The following PDE5A variants were observed in gnomAD, a reference collection of about 807,000 sequenced individuals.
The protein encoded by PDE5A is phosphodiesterase 5A.
In PDE5A, 67 loss-of-function variants were observed where a neutral mutation model predicts 110.2. The observed-to-expected ratio is 0.61, with a 90% CI of 0.50 to 0.75. The LOEUF is 0.75. PDE5A is among the 30% of genes least tolerant of loss of function. The pLI, the probability that PDE5A is intolerant of heterozygous loss-of-function variation, is 0.00. For synonymous variants in PDE5A, 328 were observed against 351.2 expected (o/e 0.93, Z 0.74); for missense variants, 862 against 1,045.1 (o/e 0.82, Z 2.42).
At chr4:119,557,138 A>G (rs1409564350) in intron 7 of PDE5A, among the ~76,000 whole-genome samples, 3 of 152,194 alleles carry the variant, frequency 2.0e-5, no homozygotes, top group Non-Finnish European at 2.9e-5. Context: ...TAGGGACACT[A>G]AAGTAGGCCT....
In PDE5A at chr4:119,565,448, A is replaced by G. The variant is rs1727896690; in HGVS notation, c.904-38T>C. Reference sequence around the variant, plus strand: ...TAATAGACAAATAAAAACGGTACATAAAACAGTCTAGTTACATTGCCTGAA... The same window carrying G: ...TAATAGACAAATAAAAACGGTACATGAAACAGTCTAGTTACATTGCCTGAA... On this transcript the variant is annotated intron_variant, in intron 4 of 20. Transcript: ENST00000354960. The G allele has an allele frequency of 5.1e-6, 7 of 1,377,034 alleles. No individual in the cohort carries two copies. In the South Asian group the frequency reaches 7.0e-5, roughly 14 times the overall value. The allele number at this position is 1,377,034 out of a possible 1,614,324, so 85.3% of individuals were successfully genotyped here. A position where few individuals can be genotyped will look rare whatever the true frequency, so the allele number is the denominator to read the frequency against.
At chr4:119,578,191 C>T (rs372690810) in intron 3 of PDE5A, among the ~76,000 whole-genome samples, 241 of 151,366 alleles carry the variant, frequency 1.6e-3, no homozygotes, top group African/African-American at 5.5e-3. Context: ...TAAAAGAGGA[C>T]ACAAACAAAT....
intron 1 of PDE5A, among the ~76,000 whole-genome samples, chr4:119,621,062 G>A (rs761013684): frequency 5.9e-5 from 9 of 152,126 alleles, no homozygotes; most frequent in South Asian, 2.1e-4. Flanking sequence ...CATTTTGTTC[G>A]TAATTAACTG....
chr4:119,536,758 C>T (rs180976210), intron 11 of PDE5A, among the ~76,000 whole-genome samples: 150 of 152,264 alleles, frequency 9.9e-4, no homozygotes, highest in African/African-American at 3.4e-3. Context: ...AACTTACTCT[C>T]TCTCCAGTGC....
chr4:119,619,595 T>C (rs1213542836), intron 1 of PDE5A, among the ~76,000 whole-genome samples: 1 of 152,128 alleles, frequency 6.6e-6, no homozygotes, highest in East Asian at 1.9e-4. Flanking sequence ...GAAAATGACA[T>C]TTAAAGTCTA....
intron 3 of PDE5A, among the ~76,000 whole-genome samples, chr4:119,577,644 T>A (rs1374429189): frequency 6.6e-6 from 1 of 152,208 alleles, no homozygotes; most frequent in East Asian, 1.9e-4. Context: ...CAACCCTTCA[T>A]GCTAAAAACT....
At chr4:119,563,012 G>C in intron 5 of PDE5A, 42 bp from the exon 6 acceptor site, 2 of 1,507,644 alleles carry the variant, frequency 1.3e-6, no homozygotes, top group Non-Finnish European at 1.8e-6. Flanking sequence ...GCAATTGATT[G>C]TAATTATTAA....
In PDE5A at chr4:119,498,558, C is replaced by A; in HGVS notation, c.*43G>T. On this transcript the variant is annotated 3_prime_UTR_variant, in exon 21 of 21. Transcript: ENST00000354960. Reference sequence around the variant, plus strand: ...GTAAGAAACTAGGCATATTGCAGAACACACCATCTCTGTAAACTTCAACTC... The same window carrying A: ...GTAAGAAACTAGGCATATTGCAGAAAACACCATCTCTGTAAACTTCAACTC... 6.2e-7 allele frequency: 1 copy of A among 1,610,656 alleles called. No individual in the cohort carries two copies. The highest frequency in any genetic ancestry group is 8.5e-7 in the Non-Finnish European group (1 of 1,177,424).
intron 2 of PDE5A, among the ~76,000 whole-genome samples, chr4:119,597,867 G>T (rs7670921): frequency 1.3e-5 from 2 of 151,864 alleles, no homozygotes; most frequent in Non-Finnish European, 2.9e-5. Context: ...AAAAGAAAAG[G>T]TATAAAATGG....
Position 119,507,612 on chromosome 4 carries a change from C to T in PDE5A, c.2181G>A (p.Leu727=). 1 of 1,559,098 alleles carries T rather than the reference C, an allele frequency of 6.4e-7. No homozygotes were observed. The highest frequency in any genetic ancestry group is 2.0e-5 in the Admixed American group (1 of 51,112). ...TATTTCTTAAAACTTACTTAATGTA[C>T]AGTGCTAGGTCTGTAGCTAAAATAG... ...KQAILATDLA[L]YIKRRGEFFE... The change falls in exon 16 of 21, where the codon CTG becomes CTA. Residue 727 remains leucine, a synonymous_variant. Coordinates refer to ENST00000354960, the MANE Select transcript of PDE5A (RefSeq NM_001083.4).
chr4:119,498,066 CCTTAA>C lies in PDE5A; in HGVS notation c.*530_*534del, dbSNP rs1008253933. On this transcript the variant is annotated 3_prime_UTR_variant, in exon 21 of 21. Transcript: ENST00000354960. The stretch of plus-strand genomic sequence containing the variant: ...AGGACTTTCCATTTGTTTCAGAGTG[CCTTAA>C]CTTTTTAAAAAAAGACACTGTTAAC... 5.9e-5 allele frequency: 9 copies of C among 152,214 alleles called. No individual in the cohort carries two copies. Among genetic ancestry groups the C allele is most frequent in the African/African-American group, 2.2e-4 (9 of 41,388 alleles). 9.4% of individuals were successfully genotyped at this position (152,214 alleles called of 1,614,324 possible).
chr4:119,558,323 A>T (rs989541596), intron 7 of PDE5A, among the ~76,000 whole-genome samples: 2 of 152,204 alleles, frequency 1.3e-5, no homozygotes, highest in African/African-American at 4.8e-5. Context: ...TTAATTTATG[A>T]GGTCATTAGT....
intron 3 of PDE5A, among the ~76,000 whole-genome samples, chr4:119,588,861 T>C (rs1473153776): frequency 6.6e-6 from 1 of 152,202 alleles, no homozygotes; most frequent in African/African-American, 2.4e-5. Context: ...AAATGATCTT[T>C]TACCACGTTG....
At chr4:119,617,134 C>T (rs1560644692) in intron 1 of PDE5A, among the ~76,000 whole-genome samples, 1 of 151,948 alleles carries the variant, frequency 6.6e-6, no homozygotes, top group Non-Finnish European at 1.5e-5. Flanking sequence ...AGAATCAAAA[C>T]CTTCCCCCCT....
In PDE5A at chr4:119,617,157, G is replaced by A. The variant is rs76946383; in HGVS notation, c.153-9860C>T. On this transcript the variant is annotated intron_variant, in intron 1 of 20. Transcript: ENST00000354960. ...AACCTTCCCCCCTTTCCAATTTATC[G>A]CTTCCACTCAAGATTGTTATAAACC... Among the ~76,000 whole-genome samples, 62 of 151,990 alleles carry A rather than the reference G, an allele frequency of 4.1e-4. No individual in the cohort carries two copies. The East Asian group carries it at 9.1e-3, about 22-fold the overall frequency.
rs144574533 is a variant in PDE5A at position 119,562,700 on chromosome 4, G to C, written c.1131+133C>G. The stretch of plus-strand genomic sequence containing the variant: ...ACCAGAACAGCTCATACCCTGATTA[G>C]TTTTATATACATATTCATACACATT... On this transcript the variant is annotated intron_variant, in intron 6 of 20. Transcript: ENST00000354960. The C allele has an allele frequency of 1.8e-3, 1,157 of 640,446 alleles. 11 individuals are homozygous for C. In the African/African-American group the frequency reaches 0.02, roughly 11 times the overall value. 39.7% of individuals were successfully genotyped at this position (640,446 alleles called of 1,614,324 possible).
rs1482310808 is a variant in PDE5A at position 119,519,146 on chromosome 4, G to A, written c.1906-7C>T. On this transcript the variant is annotated splice_polypyrimidine_tract_variant and splice_region_variant and intron_variant, in intron 13 of 20. Coordinates refer to ENST00000354960, the MANE Select transcript of PDE5A (RefSeq NM_001083.4). ...CCAGGTCAGTCAGCTTGTTCTGCAT[G>A]ACCAAAGACATTGGAGGAAAGAGAG... is the stretch of plus-strand genomic sequence containing the variant. The A allele has an allele frequency of 6.2e-7, 1 of 1,603,004 alleles. No individual in the cohort carries two copies. The highest frequency in any genetic ancestry group is 8.5e-7 in the Non-Finnish European group (1 of 1,169,942).
intron 10 of PDE5A, 149 bp from the exon 11 acceptor site, chr4:119,539,168 G>C: frequency 3.0e-6 from 2 of 662,636 alleles, no homozygotes; most frequent in South Asian, 3.7e-5. Context: ...TTCTTCAACA[G>C]TGAAAAACCC....
In PDE5A at chr4:119,531,195, A is replaced by T. The variant is rs557231152; in HGVS notation, c.1633-5500T>A. 1.1e-4 allele frequency among the ~76,000 whole-genome samples: 17 copies of T among 152,296 alleles called. No homozygotes were observed. In the South Asian group the frequency reaches 3.5e-3, roughly 32 times the overall value. Reference sequence around the variant, plus strand: ...AAAAGTTTACACTTTTTTTGTGCTTACAAAATATGACATATTTTCCCCCAG... The same window carrying T: ...AAAAGTTTACACTTTTTTTGTGCTTTCAAAATATGACATATTTTCCCCCAG... On this transcript the variant is annotated intron_variant, in intron 11 of 20. Transcript: ENST00000354960.
Sources: allele counts gnomAD v4.1 joint callset (sites outside exome capture counted in the v4.1 genomes callset), GRCh38; gene constraint gnomAD v4.1.1; transcripts MANE v1.5; gene names NCBI Gene and HGNC (gene_info 2026-07-23, HGNC 2026-07-21).